The following IRAK2 variants were observed in gnomAD, a reference collection of about 807,000 sequenced individuals.
IRAK2 encodes interleukin-1 receptor-associated kinase-like 2.
In IRAK2, 57 loss-of-function variants were observed where a neutral mutation model predicts 72.0. The observed-to-expected ratio is 0.79, with a 90% CI of 0.64 to 0.99. The LOEUF is 0.99. IRAK2 is among the 50% of genes least tolerant of loss of function. The pLI is 0.00. For missense variants in IRAK2, 790 were observed against 794.4 expected (o/e 0.99, Z 0.07); for synonymous variants, 293 against 312.7 (o/e 0.94, Z 0.67).
rs1024602751 is a variant in IRAK2 at position 10,220,735 on chromosome 3, C to T, written c.1013+946C>T. ...GGATTACAGGTGAGAGCCACCACCC[C>T]GGCTCTCTCCCCTAATTTTTATTTG... On this transcript the variant is annotated intron_variant, in intron 8 of 12. Transcript: ENST00000256458. Among the ~76,000 whole-genome samples the T allele has an allele frequency of 7.2e-5, 11 of 152,274 alleles. No individual in the cohort carries two copies. The East Asian group carries it at 7.7e-4, about 11-fold the overall frequency.
chr3:10,229,660 C>G (rs1390555459), intron 10 of IRAK2, among the ~76,000 whole-genome samples: 1 of 152,164 alleles, frequency 6.6e-6, no homozygotes, highest in Non-Finnish European at 1.5e-5. Flanking sequence ...GTTGACGTGT[C>G]AGTAATTCAT....
chr3:10,207,966 T>TGG (rs1227157931), intron 3 of IRAK2, among the ~76,000 whole-genome samples: 1 of 131,518 alleles, frequency 7.6e-6, no homozygotes, highest in African/African-American at 2.9e-5. Context: ...CACTCCAGCC[T>TGG]GGGTGACAGA....
chr3:10,207,536 C>T (rs1167512359), intron 3 of IRAK2, among the ~76,000 whole-genome samples: 1 of 152,212 alleles, frequency 6.6e-6, no homozygotes, highest in Non-Finnish European at 1.5e-5. Flanking sequence ...TGCCTGCGCC[C>T]ACCGAGGAGC....
intron 2 of IRAK2, among the ~76,000 whole-genome samples, chr3:10,188,622 G>T (rs186917866): frequency 1.3e-5 from 2 of 152,370 alleles, no homozygotes; most frequent in Admixed American, 1.3e-4. Flanking sequence ...TGCCTCCCGG[G>T]TTCAAGCGAT....
chr3:10,166,571 G>C (rs112499248), intron 1 of IRAK2, among the ~76,000 whole-genome samples: 7 of 152,284 alleles, frequency 4.6e-5, no homozygotes, highest in African/African-American at 1.7e-4. Context: ...AAGTTGTGAG[G>C]AATGAAAATA....
intron 8 of IRAK2, among the ~76,000 whole-genome samples, chr3:10,221,572 G>C (rs995484246): frequency 6.6e-6 from 1 of 151,694 alleles, no homozygotes; most frequent in Non-Finnish European, 1.5e-5. Flanking sequence ...TTTTTTTTGA[G>C]ACAGGGCCTT....
At chr3:10,216,217 G>T (rs1697602876) in intron 6 of IRAK2, among the ~76,000 whole-genome samples, 1 of 152,148 alleles carries the variant, frequency 6.6e-6, no homozygotes, top group Admixed American at 6.5e-5. Context: ...AGATAAGAAG[G>T]TTTCTAGGAA....
At chr3:10,182,307 G>C (rs1696972326) in intron 2 of IRAK2, among the ~76,000 whole-genome samples, 1 of 135,578 alleles carries the variant, frequency 7.4e-6, no homozygotes, top group African/African-American at 2.8e-5. Flanking sequence ...TTTTGGGACA[G>C]AGTCTCACTC....
intron 10 of IRAK2, among the ~76,000 whole-genome samples, chr3:10,231,272 A>C (rs1199371474): frequency 1.3e-5 from 2 of 152,032 alleles, no homozygotes; most frequent in African/African-American, 2.4e-5. Flanking sequence ...TTTTGTCCCC[A>C]AATTTTAACC....
chr3:10,227,904 C>T (rs375609431), intron 10 of IRAK2, among the ~76,000 whole-genome samples: 1 of 151,910 alleles, frequency 6.6e-6, no homozygotes, highest in African/African-American at 2.4e-5. Flanking sequence ...CTCCTGACCT[C>T]GTGATCCGCC....
chr3:10,168,364 C>A (rs968283851), intron 1 of IRAK2, among the ~76,000 whole-genome samples: 3 of 151,990 alleles, frequency 2.0e-5, no homozygotes, highest in Non-Finnish European at 4.4e-5. Context: ...GCATGCACCA[C>A]CGTGCCTGAC....
intron 2 of IRAK2, among the ~76,000 whole-genome samples, chr3:10,199,752 T>C (rs567678458): frequency 6.6e-6 from 1 of 151,746 alleles, no homozygotes; most frequent in East Asian, 1.9e-4. Context: ...GTTTTATAGG[T>C]GAGGGAAGGG....
At chr3:10,214,252 G>A (rs372577901) in intron 6 of IRAK2, among the ~76,000 whole-genome samples, 104 of 151,390 alleles carry the variant, frequency 6.9e-4, no homozygotes, top group African/African-American at 2.5e-3. Context: ...TAAGAGCTAG[G>A]GTCTTGCTCT....
intron 4 of IRAK2, 99 bp from the exon 5 acceptor site, chr3:10,213,108 C>T (rs556638966): frequency 1.8e-5 from 18 of 977,430 alleles, no homozygotes; most frequent in Middle Eastern, 3.1e-4. Context: ...ATAAGTTGAT[C>T]CCCTCCATCC....
At chr3:10,197,038 T>C (rs1364351848) in intron 2 of IRAK2, among the ~76,000 whole-genome samples, 1 of 152,094 alleles carries the variant, frequency 6.6e-6, no homozygotes, top group Non-Finnish European at 1.5e-5. Context: ...AATGATTTTG[T>C]TGAAAAATTC....
At chr3:10,186,242 T>G (rs1409675462) in intron 2 of IRAK2, among the ~76,000 whole-genome samples, 1 of 151,690 alleles carries the variant, frequency 6.6e-6, no homozygotes, top group Non-Finnish European at 1.5e-5. Flanking sequence ...CCTGCTGGTG[T>G]GGGTTTGGGG....
At chr3:10,221,280 G>A (rs1697687418) in intron 8 of IRAK2, among the ~76,000 whole-genome samples, 2 of 131,650 alleles carry the variant, frequency 1.5e-5, no homozygotes, top group Non-Finnish European at 3.1e-5. Context: ...TTGAGATGGA[G>A]TCGCGCTCTG....
At chr3:10,233,062 T>C (rs1697882035) in intron 10 of IRAK2, among the ~76,000 whole-genome samples, 1 of 152,104 alleles carries the variant, frequency 6.6e-6, no homozygotes, top group African/African-American at 2.4e-5. Context: ...TTCTTATTTA[T>C]ATTTTGAGAC....
rs575000917 is a variant in IRAK2, at chr3:10,243,684, C to T, written c.*1456C>T. On this transcript the variant is annotated 3_prime_UTR_variant, in exon 13 of 13. Coordinates refer to ENST00000256458, the MANE Select transcript of IRAK2 (RefSeq NM_001570.4). Reference sequence around the variant, plus strand: ...ATTTTAAATTCACTGGGAGAAATATCCTATTTAAAGTAATCTATAGTAATT... The same window carrying T: ...ATTTTAAATTCACTGGGAGAAATATTCTATTTAAAGTAATCTATAGTAATT... 1.3e-5 allele frequency: 2 copies of T among 151,680 alleles called. No homozygotes were observed. The highest frequency in any genetic ancestry group is 4.9e-5 in the African/African-American group (2 of 40,702). 9.4% of individuals were successfully genotyped at this position (151,680 alleles called of 1,614,324 possible).
Sources: allele counts gnomAD v4.1 joint callset (sites outside exome capture counted in the v4.1 genomes callset), GRCh38; gene constraint gnomAD v4.1.1; transcripts MANE v1.5; gene names NCBI Gene and HGNC (gene_info 2026-07-23, HGNC 2026-07-21).